NTM: variants seen among roughly 807,000 people sequenced by gnomAD.
NTM encodes the protein neurotrimin.
A neutral mutation model predicts 42.1 loss-of-function variants in NTM; 13 were observed. That is an observed-to-expected ratio of 0.31 (90% CI 0.20 to 0.49). NTM has a LOEUF of 0.49. Ranked by LOEUF, NTM falls within the 20% of genes least tolerant of loss-of-function variation. NTM has a pLI of 0.99. For synonymous variants in NTM, 187 were observed against 179.2 expected (o/e 1.04, Z -0.35); for missense variants, 373 against 452.8 (o/e 0.82, Z 1.60).
At chr11:132,160,643 T>C (rs757797018) in intron 3 of NTM, among the ~76,000 whole-genome samples, 6 of 151,982 alleles carry the variant, frequency 3.9e-5, no homozygotes, top group Non-Finnish European at 5.9e-5. Context: ...CCTTTTAACA[T>C]AGGGAGAGAG....
intron 1 of NTM, among the ~76,000 whole-genome samples, chr11:131,665,890 G>A (rs1328316085): frequency 6.6e-6 from 1 of 152,194 alleles, no homozygotes; most frequent in African/African-American, 2.4e-5. Context: ...CAATGGGTAT[G>A]ATATATATCT....
intron 2 of NTM, among the ~76,000 whole-genome samples, chr11:132,038,836 C>T (rs1353430419): frequency 2.0e-5 from 3 of 152,152 alleles, no homozygotes; most frequent in Non-Finnish European, 2.9e-5. Flanking sequence ...TGTGTCCCTC[C>T]GTCCCTCCTG....
chr11:131,657,887 A>G lies in NTM; in HGVS notation c.83-253677A>G, dbSNP rs75591072. ...AGCAGACTCAAATACATGGCAAAAC[A>G]GAACAGAACCACAGGGCAAGGCAGG... On this transcript the variant is annotated intron_variant, in intron 1 of 8. Transcript: ENST00000683400. 4.2e-3 allele frequency among the ~76,000 whole-genome samples: 635 copies of G among 152,334 alleles called. 2 individuals carry two copies. The highest frequency in any genetic ancestry group is 0.015 in the African/African-American group (606 of 41,578).
intron 1 of NTM, among the ~76,000 whole-genome samples, chr11:131,586,170 A>T (rs913675655): frequency 6.6e-6 from 1 of 152,012 alleles, no homozygotes; most frequent in African/African-American, 2.4e-5. Context: ...CAGTGGTGCA[A>T]TCACAGTTCA....
At chr11:132,009,421 GAGAA>G (rs776368027) in intron 2 of NTM, among the ~76,000 whole-genome samples, 130 of 152,280 alleles carry the variant, frequency 8.5e-4, no homozygotes, top group Middle Eastern at 3.4e-3. Flanking sequence ...TTGAGCCTAA[GAGAA>G]AGAGTGTGAG....
At chr11:131,981,356 T>C (rs2065206000) in intron 2 of NTM, 2 of 152,356 alleles carry the variant, frequency 1.3e-5, no homozygotes, top group Non-Finnish European at 2.9e-5. Flanking sequence ...TTTGACCACA[T>C]GGCTTTCCGG....
chr11:131,778,023 A>G (rs977241021), intron 1 of NTM, among the ~76,000 whole-genome samples: 5 of 152,236 alleles, frequency 3.3e-5, no homozygotes, highest in African/African-American at 4.8e-5. Flanking sequence ...AGAAGTGAGC[A>G]AGTGTTTACA....
At chr11:131,540,558 G>C (rs544597121) in intron 1 of NTM, 2 of 152,264 alleles carry the variant, frequency 1.3e-5, no homozygotes, top group South Asian at 4.2e-4. Flanking sequence ...GCATTCCTTT[G>C]GCTATGGAGA....
chr11:131,773,723 CAT>C (rs2086517312), intron 1 of NTM, among the ~76,000 whole-genome samples: 1 of 152,226 alleles, frequency 6.6e-6, no homozygotes, highest in Non-Finnish European at 1.5e-5. Flanking sequence ...GCTTCAAACT[CAT>C]AACCTAGCCA....
At chr11:131,809,545 G>A (rs1295765889) in intron 1 of NTM, among the ~76,000 whole-genome samples, 1 of 152,214 alleles carries the variant, frequency 6.6e-6, no homozygotes, top group African/African-American at 2.4e-5. Context: ...GTTATGCCCA[G>A]CACTTCAAAC....
At chr11:131,798,556 T>C (rs756417765) in intron 1 of NTM, among the ~76,000 whole-genome samples, 25 of 152,216 alleles carry the variant, frequency 1.6e-4, no homozygotes, top group Non-Finnish European at 3.4e-4. Flanking sequence ...TGTACTATGG[T>C]TGGTGCTGAT....
At position 132,014,680 on chromosome 11, in the gene NTM, G is replaced by A. The variant is rs529417213; in HGVS notation, c.167+103032G>A. Reference sequence around the variant, plus strand: ...ATATACCTGTTAATCATTTGGATGTGTTCTTTTGAGAAATGTCTATTCAGA... The same window carrying A: ...ATATACCTGTTAATCATTTGGATGTATTCTTTTGAGAAATGTCTATTCAGA... On this transcript the variant is annotated intron_variant, in intron 2 of 8. Transcript: ENST00000683400. Among the ~76,000 whole-genome samples, 5 of 131,048 alleles carry A rather than the reference G, an allele frequency of 3.8e-5. No individual in the cohort carries two copies. The East Asian group carries it at 9.7e-4, about 25-fold the overall frequency. 86.0% of individuals were successfully genotyped at this position (131,048 alleles called of 152,430 possible).
At chr11:132,324,631 C>A (rs1448484250) in intron 7 of NTM, among the ~76,000 whole-genome samples, 1 of 133,390 alleles carries the variant, frequency 7.5e-6, no homozygotes, top group African/African-American at 2.9e-5. Context: ...CCATCCCCAT[C>A]AAGCTACCAA....
chr11:131,795,515 C>G lies in NTM; in HGVS notation c.83-116049C>G. ...CTGCCCTTTATTGCTCTTGTTTATT[C>G]GTCTGTCTCATAGCCAGACACTGCT... is the stretch of plus-strand genomic sequence containing the variant. On this transcript the variant is annotated intron_variant, in intron 1 of 8. Coordinates refer to ENST00000683400, the MANE Select transcript of NTM (RefSeq NM_001352005.2). 4.1e-6 allele frequency: 4 copies of G among 985,336 alleles called. No individual in the cohort carries two copies. The African/African-American group carries it at 7.0e-5, about 17-fold the overall frequency. The allele number at this position is 985,336 out of a possible 1,614,324, so 61.0% of individuals were successfully genotyped here.
intron 2 of NTM, among the ~76,000 whole-genome samples, chr11:132,041,819 T>C (rs1406940721): frequency 6.6e-6 from 1 of 152,202 alleles, no homozygotes; most frequent in Non-Finnish European, 1.5e-5. Context: ...AGTGTGACTT[T>C]CAGCAAGTCA....
At chr11:131,780,049 T>C (rs930051295) in intron 1 of NTM, among the ~76,000 whole-genome samples, 3 of 152,158 alleles carry the variant, frequency 2.0e-5, no homozygotes, top group Non-Finnish European at 4.4e-5. Context: ...CTTTCATAGG[T>C]TTCAGTGTCT....
At chr11:131,996,457 C>T (rs1291464505) in intron 2 of NTM, among the ~76,000 whole-genome samples, 1 of 152,204 alleles carries the variant, frequency 6.6e-6, no homozygotes, top group Non-Finnish European at 1.5e-5. Context: ...GCAGTTCCCT[C>T]TACCTGAAAT....
At chr11:131,531,416 G>A (rs779007045) in intron 1 of NTM, among the ~76,000 whole-genome samples, 23 of 152,274 alleles carry the variant, frequency 1.5e-4, no homozygotes, top group East Asian at 5.8e-4. Flanking sequence ...CTGAAGTGCC[G>A]GGATTACAGG....
intron 2 of NTM, among the ~76,000 whole-genome samples, chr11:131,982,537 G>T (rs1296889991): frequency 6.6e-6 from 1 of 152,068 alleles, no homozygotes; most frequent in Non-Finnish European, 1.5e-5. Context: ...TCCAGCCAGG[G>T]TGCTCCCCTA....
Sources: allele counts gnomAD v4.1 joint callset (sites outside exome capture counted in the v4.1 genomes callset), GRCh38; gene constraint gnomAD v4.1.1; transcripts MANE v1.5; gene names NCBI Gene and HGNC (gene_info 2026-07-23, HGNC 2026-07-21).